The following DENND6A variants were observed in gnomAD, a reference collection of about 807,000 sequenced individuals.
DENND6A encodes DENN domain containing 6A.
DENND6A carries 43 observed loss-of-function variants against 95.5 expected under a neutral mutation model. The ratio of observed to expected loss-of-function variants is 0.45; its 90% CI spans 0.35 to 0.58. The LOEUF (loss-of-function observed/expected upper bound fraction) is 0.58, where lower values mean the gene tolerates loss of function less well. Among genes scored for constraint, DENND6A ranks in the 20% least tolerant of loss-of-function variants. DENND6A has a pLI of 0.00. For synonymous variants in DENND6A, 257 were observed against 260.4 expected (o/e 0.99, Z 0.13); for missense variants, 574 against 736.0 (o/e 0.78, Z 2.55).
At chr3:57,670,408 A>C (rs2071596580) in intron 3 of DENND6A, among the ~76,000 whole-genome samples, 1 of 152,232 alleles carries the variant, frequency 6.6e-6, no homozygotes, top group Admixed American at 6.5e-5. Flanking sequence ...TAGGGGTGGT[A>C]ATCTGTGGGA....
chr3:57,671,042 A>C (rs2071607839), intron 3 of DENND6A, among the ~76,000 whole-genome samples: 1 of 152,216 alleles, frequency 6.6e-6, no homozygotes, highest in African/African-American at 2.4e-5. Context: ...CCTTACTGGG[A>C]TCTCTAAAAG....
intron 11 of DENND6A, among the ~76,000 whole-genome samples, chr3:57,644,701 GA>G (rs2153413663): frequency 2.9e-5 from 2 of 69,186 alleles, no homozygotes; most frequent in Non-Finnish European, 2.9e-5. Context: ...GAGGGGAGGG[GA>G]GGGGAGGGGA....
chr3:57,690,590 A>G (rs1216901751), intron 1 of DENND6A, among the ~76,000 whole-genome samples: 1 of 151,942 alleles, frequency 6.6e-6, no homozygotes, highest in East Asian at 1.9e-4. Flanking sequence ...AGGCTGAGGC[A>G]GGAGAATCAC....
At chr3:57,637,110 T>C (rs1559806214) in intron 12 of DENND6A, among the ~76,000 whole-genome samples, 1 of 152,148 alleles carries the variant, frequency 6.6e-6, no homozygotes, top group East Asian at 1.9e-4. Flanking sequence ...GGTCCAAGAA[T>C]ACTGCACAAA....
intron 3 of DENND6A, among the ~76,000 whole-genome samples, chr3:57,669,971 G>A (rs1192556133): frequency 1.4e-5 from 2 of 138,142 alleles, no homozygotes; most frequent in East Asian, 2.1e-4. Flanking sequence ...AGTGAGCTGC[G>A]ATCGTGCCAC....
chr3:57,635,386 G>A (rs1394407449), intron 12 of DENND6A, among the ~76,000 whole-genome samples: 3 of 151,980 alleles, frequency 2.0e-5, no homozygotes, highest in African/African-American at 7.2e-5. Context: ...TGCAGGCCCT[G>A]GTCTTAGGGT....
In DENND6A at chr3:57,657,699, G is replaced by C; in HGVS notation, c.799C>G (p.His267Asp). 6.3e-7 allele frequency: 1 copy of C among 1,584,136 alleles called. No individual in the cohort carries two copies. Among genetic ancestry groups the C allele is most frequent in the Non-Finnish European group, 8.6e-7 (1 of 1,160,380 alleles). The part of the protein sequence containing the change: ...TNISVILPTV[H>D]EVDIFRCFCP... ...CTTTACCTGAAAATATCCACCTCAT[G>C]AACAGTAGGTAAAATAACAGATATA... Residue 267 changes from histidine to aspartate, a missense_variant, in exon 9 of 20, where the codon CAT becomes GAT. His to Asp is a moderately conservative substitution (Grantham distance 81). This residue lies in a region of DENND6A where 452 missense variants were observed against 630.9 expected (regional missense o/e 0.72). Coordinates refer to ENST00000311128, the MANE Select transcript of DENND6A (RefSeq NM_152678.3).
At chr3:57,649,477 C>T (rs1357501245) in intron 9 of DENND6A, among the ~76,000 whole-genome samples, 1 of 150,062 alleles carries the variant, frequency 6.7e-6, no homozygotes. Flanking sequence ...GTAGATCTAC[C>T]ATTTGATCCA....
At chr3:57,660,728 A>G in intron 7 of DENND6A, 32 bp downstream of exon 7, 1 of 1,556,280 alleles carries the variant, frequency 6.4e-7, no homozygotes. Flanking sequence ...AAATAAAAAT[A>G]AAAAGGAGAC....
In DENND6A at chr3:57,659,307, A is replaced by G. The variant is rs560861852; in HGVS notation, c.700-127T>C. 9.8e-6 allele frequency: 9 copies of G among 922,130 alleles called. No homozygotes were observed. In the East Asian group the frequency reaches 2.0e-4, roughly 21 times the overall value. 57.1% of individuals were successfully genotyped at this position (922,130 alleles called of 1,614,324 possible). On this transcript the variant is annotated intron_variant, in intron 7 of 19. Coordinates refer to ENST00000311128, the MANE Select transcript of DENND6A (RefSeq NM_152678.3). The stretch of plus-strand genomic sequence containing the variant: ...CTACAAAAACAAAATTATCTATGTC[A>G]GAGTTAAAAACTAAGGTCATATTTA...
chr3:57,683,408 C>T (rs894952177), intron 1 of DENND6A, among the ~76,000 whole-genome samples: 1 of 152,110 alleles, frequency 6.6e-6, no homozygotes, highest in African/African-American at 2.4e-5. Context: ...TTCATCTGCC[C>T]ATGGCTATAA....
intron 9 of DENND6A, among the ~76,000 whole-genome samples, chr3:57,653,100 AGCT>A (rs2071244318): frequency 6.6e-6 from 1 of 152,226 alleles, no homozygotes; most frequent in South Asian, 2.1e-4. Context: ...CCAAGTCGCC[AGCT>A]TACTACCAAA....
At chr3:57,675,317 C>T (rs1309153524) in intron 1 of DENND6A, among the ~76,000 whole-genome samples, 1 of 152,146 alleles carries the variant, frequency 6.6e-6, no homozygotes, top group Non-Finnish European at 1.5e-5. Flanking sequence ...TACCAATTGA[C>T]TAATAACTCA....
chr3:57,663,067 C>T (rs1331471433), intron 5 of DENND6A, among the ~76,000 whole-genome samples: 3 of 147,290 alleles, frequency 2.0e-5, no homozygotes, highest in Non-Finnish European at 4.4e-5. Context: ...CTCCCAGCTA[C>T]TTGAACCTGG....
intron 1 of DENND6A, among the ~76,000 whole-genome samples, chr3:57,674,062 G>T (rs2071664989): frequency 6.6e-6 from 1 of 151,836 alleles, no homozygotes; most frequent in Admixed American, 6.6e-5. Context: ...GAGCCACCGT[G>T]CCCAGTCAAG....
At chr3:57,669,806 G>A (rs1281116573) in intron 3 of DENND6A, among the ~76,000 whole-genome samples, 1 of 150,562 alleles carries the variant, frequency 6.6e-6, no homozygotes, top group Admixed American at 6.6e-5. Flanking sequence ...CGAATCACTT[G>A]AGGTCGGGAG....
intron 12 of DENND6A, among the ~76,000 whole-genome samples, chr3:57,635,519 A>G (rs2070773074): frequency 6.6e-6 from 1 of 152,206 alleles, no homozygotes; most frequent in Non-Finnish European, 1.5e-5. Context: ...TTCTCTGCAT[A>G]AGGGTTAAAA....
In DENND6A at chr3:57,625,820, A is replaced by T. The variant is rs1244497853; in HGVS notation, c.*2394T>A. 1 of 152,632 alleles carries T rather than the reference A, an allele frequency of 6.6e-6. No homozygotes were observed. The highest frequency in any genetic ancestry group is 6.5e-5 in the Admixed American group (1 of 15,278). The allele number at this position is 152,632 out of a possible 1,614,324, so 9.5% of individuals were successfully genotyped here. A position where few individuals can be genotyped will look rare whatever the true frequency, so the allele number is the denominator to read the frequency against. Reference sequence around the variant, plus strand: ...TCAGTTAAATACAGTAAAAATGAAGACACCATTATCATGCTAATTGGCATC... The same window carrying T: ...TCAGTTAAATACAGTAAAAATGAAGTCACCATTATCATGCTAATTGGCATC... On this transcript the variant is annotated 3_prime_UTR_variant, in exon 20 of 20. Coordinates refer to ENST00000311128, the MANE Select transcript of DENND6A (RefSeq NM_152678.3).
intron 3 of DENND6A, among the ~76,000 whole-genome samples, chr3:57,670,615 TA>T (rs1258189035): frequency 2.0e-5 from 3 of 152,176 alleles, no homozygotes; most frequent in East Asian, 1.9e-4. Flanking sequence ...TTTAGGCATA[TA>T]GGGGGAGGGT....
Sources: gnomAD v4.1 joint callset for allele counts (sites outside exome capture counted in the v4.1 genomes callset) on GRCh38, gnomAD v4.1.1 for gene constraint, gnomAD v4.1.1 regional missense constraint, MANE v1.5 for transcripts, NCBI Gene and HGNC (gene_info 2026-07-23, HGNC 2026-07-21) for gene names.